SINHCAF: variants seen among roughly 807,000 people sequenced by gnomAD.
SINHCAF encodes SIN3-HDAC complex-associated factor.
In SINHCAF, 3 loss-of-function variants were observed where a neutral mutation model predicts 25.8. That is an observed-to-expected ratio of 0.12 (90% CI 0.05 to 0.30). The LOEUF (loss-of-function observed/expected upper bound fraction) is 0.30. SINHCAF is among the 10% of genes least tolerant of loss of function. SINHCAF has a pLI of 1.00. For synonymous variants in SINHCAF, 70 were observed against 85.5 expected (o/e 0.82, Z 1.00); for missense variants, 121 against 262.3 (o/e 0.46, Z 3.72).
rs577553482 is a variant in SINHCAF, at chr12:31,324,613, G to A, written c.-21+1411C>T. 24 of 256,016 alleles carry A rather than the reference G, an allele frequency of 9.4e-5. No homozygotes were observed. Among genetic ancestry groups the A allele is most frequent in the Non-Finnish European group, 1.7e-4 (22 of 126,872 alleles). 15.9% of individuals were successfully genotyped at this position (256,016 alleles called of 1,614,324 possible). A position where few individuals can be genotyped will look rare whatever the true frequency, so the allele number is the denominator to read the frequency against. On this transcript the variant is annotated intron_variant, in intron 1 of 5. Transcript: ENST00000337682. The surrounding 1 kb of genome is among the most constrained non-coding windows in gnomAD (Gnocchi z 5.5). ...CTGCACGGCCCTACGCCCAGGCGGC[G>A]GCCCCGAGCGCCGGGGGCCCGCACG...
Position 31,324,583 on chromosome 12 carries a change from C to G in SINHCAF, c.-21+1441G>C, listed in dbSNP as rs1939871672. 5.2e-6 allele frequency: 1 copy of G among 193,508 alleles called. No individual in the cohort carries two copies. 12.0% of individuals were successfully genotyped at this position (193,508 alleles called of 1,614,324 possible). On this transcript the variant is annotated intron_variant, in intron 1 of 5. Coordinates refer to ENST00000337682, the MANE Select transcript of SINHCAF (RefSeq NM_001135812.2). This position sits in a 1 kb window ranked among gnomAD's most constrained non-coding sequence, Gnocchi z 5.5. ...AAACTCGCCCGAACTTCGAGGGCCT[C>G]CGACCTGCACGGCCCTACGCCCAGG... is the stretch of plus-strand genomic sequence containing the variant.
At chr12:31,305,944 C>T (rs1241323528) in intron 1 of SINHCAF, among the ~76,000 whole-genome samples, 1 of 152,152 alleles carries the variant, frequency 6.6e-6, no homozygotes, top group Non-Finnish European at 1.5e-5. Context: ...AGGTGATCCG[C>T]CCGCCTCGGC....
At chr12:31,287,609 T>A (rs1286114812) in intron 5 of SINHCAF, 25 bp downstream of exon 5, 1 of 1,553,586 alleles carries the variant, frequency 6.4e-7, no homozygotes, top group African/African-American at 1.4e-5. Flanking sequence ...GTTTGCTGGT[T>A]AGAGAGATAC....
rs552316368 is a variant in SINHCAF at position 31,320,707 on chromosome 12, T to A, written c.-21+5317A>T. ...TTTGCACTATTGATCATAGAAATAT[T>A]TTTAATGTTTTTAAAAAGGAGTCTT... is the stretch of plus-strand genomic sequence containing the variant. On this transcript the variant is annotated intron_variant, in intron 1 of 5. Coordinates refer to ENST00000337682, the MANE Select transcript of SINHCAF (RefSeq NM_001135812.2). 4.3e-4 allele frequency among the ~76,000 whole-genome samples: 65 copies of A among 152,312 alleles called. 1 individual carries two copies. Among genetic ancestry groups the A allele is most frequent in the African/African-American group, 1.5e-3 (64 of 41,578 alleles).
Position 31,282,490 on chromosome 12 carries a change from C to T in SINHCAF, c.*222G>A, listed in dbSNP as rs934220225. ...CTAAAAAATTAGCCGGGTCTGGTGG[C>T]GGGCACCTATAAACCCAGCTACTTG... On this transcript the variant is annotated 3_prime_UTR_variant, in exon 6 of 6. Transcript: ENST00000337682. 2.2e-5 allele frequency: 8 copies of T among 367,992 alleles called. No homozygotes were observed. Among genetic ancestry groups the T allele is most frequent in the South Asian group, 8.4e-5 (1 of 11,932 alleles). The allele number at this position is 367,992 out of a possible 1,614,324, so 22.8% of individuals were successfully genotyped here.
Position 31,307,111 on chromosome 12 carries a change from GGTGCA to G in SINHCAF, c.-20-8892_-20-8888del, listed in dbSNP as rs1939058711. The stretch of plus-strand genomic sequence containing the variant: ...TCTTATCAGAAGACTGGCCAGGCCT[GGTGCA>G]GTGGCTCATGCCTATAATCCTAGCA... On this transcript the variant is annotated intron_variant, in intron 1 of 5. Transcript: ENST00000337682. 2.0e-5 allele frequency among the ~76,000 whole-genome samples: 3 copies of G among 152,194 alleles called. No individual in the cohort carries two copies. In the South Asian group the frequency reaches 6.2e-4, roughly 32 times the overall value.
chr12:31,324,644 A>T lies in SINHCAF; in HGVS notation c.-21+1380T>A, dbSNP rs1939878685. The T allele has an allele frequency of 3.4e-6, 1 of 297,848 alleles. No homozygotes were observed. Among genetic ancestry groups the T allele is most frequent in the Non-Finnish European group, 6.6e-6 (1 of 150,610 alleles). 18.5% of individuals were successfully genotyped at this position (297,848 alleles called of 1,614,324 possible). The stretch of plus-strand genomic sequence containing the variant: ...GAGCGCCGGGGGCCCGCACGGGCAC[A>T]TGCAGCCCTTTGTTTTCTGTCCAGC... On this transcript the variant is annotated intron_variant, in intron 1 of 5. Coordinates refer to ENST00000337682, the MANE Select transcript of SINHCAF (RefSeq NM_001135812.2). This position sits in a 1 kb window ranked among gnomAD's most constrained non-coding sequence, Gnocchi z 5.5.
chr12:31,321,672 C>T (rs974508440), intron 1 of SINHCAF, among the ~76,000 whole-genome samples: 2 of 152,152 alleles, frequency 1.3e-5, no homozygotes, highest in Non-Finnish European at 2.9e-5. Flanking sequence ...AACCCAGAAA[C>T]CTCTGAACAG....
At chr12:31,305,272 G>A (rs1338415693) in intron 1 of SINHCAF, 3 of 152,238 alleles carry the variant, frequency 2.0e-5, no homozygotes, top group Non-Finnish European at 2.9e-5. Context: ...AAAATTTCCA[G>A]GTTGGAGGTC....
chr12:31,296,669 C>T (rs1171055327), intron 2 of SINHCAF, among the ~76,000 whole-genome samples: 1 of 152,030 alleles, frequency 6.6e-6, no homozygotes, highest in Non-Finnish European at 1.5e-5. Flanking sequence ...GCCTGGGCAA[C>T]ATGGCAAAAT....
At chr12:31,296,250 C>T (rs1338014779) in intron 2 of SINHCAF, among the ~76,000 whole-genome samples, 1 of 152,086 alleles carries the variant, frequency 6.6e-6, no homozygotes, top group African/African-American at 2.4e-5. Context: ...ACTGCAGCCT[C>T]AACTTCCCAG....
intron 1 of SINHCAF, among the ~76,000 whole-genome samples, chr12:31,301,274 A>T (rs1938781014): frequency 6.6e-6 from 1 of 152,218 alleles, no homozygotes; most frequent in South Asian, 2.1e-4. Flanking sequence ...CCCTAGCAAG[A>T]CATTCCAGTC....
At chr12:31,305,728 C>G (rs1380300423) in intron 1 of SINHCAF, among the ~76,000 whole-genome samples, 2 of 130,704 alleles carry the variant, frequency 1.5e-5, no homozygotes, top group African/African-American at 2.9e-5. Context: ...GAGACTAAGT[C>G]TCGCTCTGTC....
At chr12:31,289,060 G>C (rs954466925) in intron 4 of SINHCAF, among the ~76,000 whole-genome samples, 1 of 152,138 alleles carries the variant, frequency 6.6e-6, no homozygotes, top group Non-Finnish European at 1.5e-5. Flanking sequence ...TGAGCAACAT[G>C]GAGGGGAGAG....
At chr12:31,289,497 C>A (rs892058029) in intron 4 of SINHCAF, among the ~76,000 whole-genome samples, 4 of 152,168 alleles carry the variant, frequency 2.6e-5, no homozygotes, top group Non-Finnish European at 5.9e-5. Context: ...GCAGAGCTAA[C>A]CCTGATTTAA....
chr12:31,289,756 A>T (rs922455522), intron 4 of SINHCAF, among the ~76,000 whole-genome samples: 4 of 151,486 alleles, frequency 2.6e-5, no homozygotes, highest in African/African-American at 9.7e-5. Flanking sequence ...ATCAAATCCT[A>T]TGTTACATGC....
At chr12:31,302,957 C>T (rs1357558666) in intron 1 of SINHCAF, 2 of 985,246 alleles carry the variant, frequency 2.0e-6, no homozygotes, top group African/African-American at 1.7e-5. Context: ...GTCCAAACTG[C>T]AGCCATCTTG....
chr12:31,323,818 C>A, intron 1 of SINHCAF: 1 of 399,070 alleles, frequency 2.5e-6, no homozygotes, highest in South Asian at 1.7e-5. Flanking sequence ...CGGGCGTCGT[C>A]GGGGCTGGGT....
chr12:31,295,536 C>G (rs1044564837), intron 2 of SINHCAF, among the ~76,000 whole-genome samples: 1 of 152,212 alleles, frequency 6.6e-6, no homozygotes, highest in African/African-American at 2.4e-5. Context: ...ATTCTATGTA[C>G]GGCAATTTGG....
Sources: allele counts gnomAD v4.1 joint callset (sites outside exome capture counted in the v4.1 genomes callset), GRCh38; gene constraint gnomAD v4.1.1; non-coding constraint Gnocchi (gnomAD v3.1); transcripts MANE v1.5; gene names NCBI Gene and HGNC (gene_info 2026-07-23, HGNC 2026-07-21).